The following FYN variants were observed in gnomAD, a reference collection of about 807,000 sequenced individuals.
FYN encodes the protein tyrosine-protein kinase Fyn.
Under a neutral mutation model 70.2 loss-of-function variants are expected in FYN, and 10 were observed. The ratio of observed to expected loss-of-function variants is 0.14; its 90% CI spans 0.09 to 0.24. The LOEUF (loss-of-function observed/expected upper bound fraction) is 0.24. Ranked by LOEUF, FYN falls within the 10% of genes least tolerant of loss-of-function variation. FYN has a pLI of 1.00. For missense variants in FYN, 319 were observed against 673.1 expected (o/e 0.47, Z 5.82); for synonymous variants, 236 against 248.6 (o/e 0.95, Z 0.48).
At chr6:111,693,384 C>T (rs1307593232) in intron 12 of FYN, among the ~76,000 whole-genome samples, 7 of 152,072 alleles carry the variant, frequency 4.6e-5, no homozygotes, top group Admixed American at 1.3e-4. Context: ...ATGAAAGTTC[C>T]CCCTTGCCCC....
At chr6:111,815,879 T>C (rs1053656409) in intron 2 of FYN, among the ~76,000 whole-genome samples, 34 of 152,036 alleles carry the variant, frequency 2.2e-4, no homozygotes, top group African/African-American at 8.2e-4. Context: ...TTTGTAGTTT[T>C]TGTAGAGACG....
intron 3 of FYN, among the ~76,000 whole-genome samples, chr6:111,762,405 GA>G (rs1803042943): frequency 6.6e-6 from 1 of 152,124 alleles, no homozygotes; most frequent in South Asian, 2.1e-4. Flanking sequence ...AAGAAACCTG[GA>G]AAACTAGTTC....
intron 13 of FYN, among the ~76,000 whole-genome samples, chr6:111,665,981 T>G (rs1173562759): frequency 6.6e-6 from 1 of 150,780 alleles, no homozygotes; most frequent in Non-Finnish European, 1.5e-5. Flanking sequence ...CTGGAAATGT[T>G]TTTCCTTTTT....
intron 3 of FYN, among the ~76,000 whole-genome samples, chr6:111,728,283 C>T (rs545452835): frequency 2.0e-5 from 3 of 152,064 alleles, no homozygotes; most frequent in African/African-American, 4.8e-5. Flanking sequence ...ACCCCCTGCC[C>T]GCAAGCCTTT....
At chr6:111,678,632 C>T (rs573255960) in intron 12 of FYN, among the ~76,000 whole-genome samples, 1 of 152,288 alleles carries the variant, frequency 6.6e-6, no homozygotes, top group Admixed American at 6.5e-5. Flanking sequence ...TCTCAATTGT[C>T]TCTCCATGAA....
At chr6:111,691,113 T>C (rs1799296487) in intron 12 of FYN, among the ~76,000 whole-genome samples, 1 of 152,008 alleles carries the variant, frequency 6.6e-6, no homozygotes, top group East Asian at 1.9e-4. Flanking sequence ...GCTTCTAGAG[T>C]GCTGTCAGTG....
At chr6:111,806,288 G>A (rs1772144853) in intron 2 of FYN, among the ~76,000 whole-genome samples, 1 of 152,084 alleles carries the variant, frequency 6.6e-6, no homozygotes. Flanking sequence ...TCTCTTTCCA[G>A]AGCACATCAG....
intron 1 of FYN, among the ~76,000 whole-genome samples, chr6:111,869,471 GTC>G (rs1208130439): frequency 6.6e-6 from 1 of 152,230 alleles, no homozygotes; most frequent in Non-Finnish European, 1.5e-5. Context: ...GCTCACTGCA[GTC>G]TCTACCTCCC....
intron 1 of FYN, among the ~76,000 whole-genome samples, chr6:111,855,283 T>C (rs1773795980): frequency 6.6e-6 from 1 of 152,206 alleles, no homozygotes; most frequent in Non-Finnish European, 1.5e-5. Context: ...TTGTAAATGC[T>C]ACTGTAAATT....
intron 3 of FYN, among the ~76,000 whole-genome samples, chr6:111,777,357 C>CTTTT (rs1562517057): frequency 6.6e-6 from 1 of 152,062 alleles, no homozygotes; most frequent in African/African-American, 2.4e-5. Flanking sequence ...AAGATATTTC[C>CTTTT]ATTTTTAAAC....
chr6:111,799,135 TTACAGTTTTTCCTCTCTCCC>T (rs1771905512), intron 2 of FYN, among the ~76,000 whole-genome samples: 2 of 152,216 alleles, frequency 1.3e-5, no homozygotes, highest in Admixed American at 6.5e-5. Context: ...TAAGATTCAC[TTACAGTTTTTCCTCTCTCCC>T]TTTTAGGAAG....
intron 13 of FYN, among the ~76,000 whole-genome samples, chr6:111,671,845 T>A (rs1193872815): frequency 6.6e-6 from 1 of 152,226 alleles, no homozygotes; most frequent in Non-Finnish European, 1.5e-5. Flanking sequence ...GTTAGGGTAA[T>A]AATCCTATAA....
chr6:111,705,906 C>T (rs1800068659), intron 6 of FYN, among the ~76,000 whole-genome samples: 1 of 152,138 alleles, frequency 6.6e-6, no homozygotes, highest in South Asian at 2.1e-4. Flanking sequence ...GCCCTGGCCT[C>T]CCAAGTGCTG....
At chr6:111,679,226 T>G (rs1408336823) in intron 12 of FYN, among the ~76,000 whole-genome samples, 1 of 152,250 alleles carries the variant, frequency 6.6e-6, no homozygotes, top group Non-Finnish European at 1.5e-5. Context: ...CTTTTGCTCC[T>G]AGCCAAAGTG....
intron 3 of FYN, among the ~76,000 whole-genome samples, chr6:111,754,257 C>T (rs1802613486): frequency 6.6e-6 from 1 of 152,122 alleles, no homozygotes. Flanking sequence ...GGTTTACTTT[C>T]TTGATGGTTG....
chr6:111,773,596 A>AGGGGGGAGGGAGAGAGGGTG (rs1562515425), intron 3 of FYN, among the ~76,000 whole-genome samples: 1 of 18,976 alleles, frequency 5.3e-5, no homozygotes, highest in African/African-American at 2.8e-4. Context: ...GGGAAAGGGA[A>AGGGGGGAGGGAGAGAGGGTG]AGGGAGAGAG....
At chr6:111,684,954 G>A (rs766639854) in intron 12 of FYN, among the ~76,000 whole-genome samples, 2 of 152,092 alleles carry the variant, frequency 1.3e-5, no homozygotes, top group African/African-American at 2.4e-5. Flanking sequence ...TCCAGTTTCC[G>A]AAGAGCCAGA....
chr6:111,834,004 TG>T, intron 2 of FYN, among the ~76,000 whole-genome samples: 1 of 152,332 alleles, frequency 6.6e-6, no homozygotes, highest in South Asian at 2.1e-4. Flanking sequence ...TGATGCATGA[TG>T]CTTCATGCAT....
Position 111,696,498 on chromosome 6 carries a change from T to C in FYN, c.863-42A>G, listed in dbSNP as rs748001484. The C allele has an allele frequency of 1.6e-5, 24 of 1,465,688 alleles. No individual in the cohort carries two copies. The East Asian group carries it at 5.9e-4, about 36-fold the overall frequency. 90.8% of individuals were successfully genotyped at this position (1,465,688 alleles called of 1,614,324 possible). A position where few individuals can be genotyped will look rare whatever the true frequency, so the allele number is the denominator to read the frequency against. On this transcript the variant is annotated intron_variant, in intron 9 of 13. Coordinates refer to ENST00000354650, the MANE Select transcript of FYN (RefSeq NM_002037.5). ...ATATGAAGTCAAACCAAAGATCTTC[T>C]TTTGATGGAAAAAGGTTTTGACCAC...
Sources: gnomAD v4.1 joint callset for allele counts (sites outside exome capture counted in the v4.1 genomes callset) on GRCh38, gnomAD v4.1.1 for gene constraint, MANE v1.5 for transcripts, NCBI Gene and HGNC (gene_info 2026-07-23, HGNC 2026-07-21) for gene names.